The following ZNF441 variants were observed in gnomAD, a reference collection of about 807,000 sequenced individuals.
The protein encoded by ZNF441 is zinc finger protein 441.
Under a neutral mutation model 64.5 loss-of-function variants are expected in ZNF441, and 25 were observed. The ratio of observed to expected loss-of-function variants is 0.39; its 90% CI spans 0.28 to 0.54. The LOEUF (loss-of-function observed/expected upper bound fraction) is 0.54. ZNF441 is among the 20% of genes least tolerant of loss of function. The pLI is 0.70. For missense variants in ZNF441, 715 were observed against 843.3 expected, an observed-to-expected ratio of 0.85 and a Z score of 1.88; for synonymous variants, 262 against 268.0, an observed-to-expected ratio of 0.98 and a Z score of 0.22.
At chr19:11,775,460 C>A (rs1337511058) in intron 1 of ZNF441, among the ~76,000 whole-genome samples, 1 of 150,750 alleles carries the variant, frequency 6.6e-6, no homozygotes, top group Non-Finnish European at 1.5e-5. Context: ...CTCCCGAGTA[C>A]CTGGGACTAC....
intron 3 of ZNF441, 144 bp from the exon 4 acceptor site, chr19:11,779,875 C>T: frequency 2.8e-6 from 2 of 706,596 alleles, no homozygotes; most frequent in Non-Finnish European, 4.5e-6. Flanking sequence ...CACACCACTA[C>T]ACTCCAGCCT....
intron 1 of ZNF441, among the ~76,000 whole-genome samples, chr19:11,775,487 G>A (rs559688616): frequency 6.0e-5 from 9 of 151,088 alleles, no homozygotes; most frequent in South Asian, 2.1e-4. Context: ...CCACCACCAC[G>A]CCCGGCTAAT....
In ZNF441 at chr19:11,767,034, G is replaced by A; in HGVS notation, c.-160G>A. On this transcript the variant is annotated 5_prime_UTR_variant, in exon 1 of 4. Transcript: ENST00000357901. This position sits in a 1 kb window ranked among gnomAD's most constrained non-coding sequence, Gnocchi z 5.1. ...GCGCACTGACCGGAGGAGGGTGCAA[G>A]GTTCAAAGAGCCCGCCGAGTCTTCT... is the stretch of plus-strand genomic sequence containing the variant. 9.3e-7 allele frequency: 1 copy of A among 1,073,150 alleles called. No individual in the cohort carries two copies. Among genetic ancestry groups the A allele is most frequent in the African/African-American group, 1.6e-5 (1 of 62,594 alleles). 66.5% of individuals were successfully genotyped at this position (1,073,150 alleles called of 1,614,324 possible). A position where few individuals can be genotyped will look rare whatever the true frequency, so the allele number is the denominator to read the frequency against.
chr19:11,775,312 A>C (rs962570002), intron 1 of ZNF441, among the ~76,000 whole-genome samples: 2 of 152,104 alleles, frequency 1.3e-5, no homozygotes, highest in Non-Finnish European at 2.9e-5. Context: ...CAATTCCCCA[A>C]AACACTGGAG....
At chr19:11,776,590 CCTT>C (rs1975356530) in intron 1 of ZNF441, among the ~76,000 whole-genome samples, 1 of 151,982 alleles carries the variant, frequency 6.6e-6, no homozygotes, top group African/African-American at 2.4e-5. Flanking sequence ...CAATCTTGGC[CCTT>C]CTTTTCTTCT....
rs1463542464 is a variant in ZNF441, at chr19:11,767,797, C to T, written c.3+601C>T. ...AAGAACTCAGGCGACTCTTGAGCAA[C>T]TCTCAGAGATCTCATCCCCAAGCAC... On this transcript the variant is annotated intron_variant, in intron 1 of 3. Coordinates refer to ENST00000357901, the MANE Select transcript of ZNF441 (RefSeq NM_152355.3). The surrounding 1 kb of genome is among the most constrained non-coding windows in gnomAD (Gnocchi z 5.1). 6.6e-6 allele frequency among the ~76,000 whole-genome samples: 1 copy of T among 152,228 alleles called. No homozygotes were observed. Among genetic ancestry groups the T allele is most frequent in the Non-Finnish European group, 1.5e-5 (1 of 68,044 alleles).
rs754633676 is a variant in ZNF441 at position 11,777,640 on chromosome 19, A to G, written c.33A>G (p.Ile11Met). ...CAGTGGCATTTGAGGATGTGGCTAT[A>G]AACTTCACCTGTGAGGAGTGGGCTT... MDSVAFEDVA[I>M]NFTCEEWALL... The change falls in exon 2 of 4, where the codon ATA (isoleucine) becomes ATG (methionine). Residue 11 changes from isoleucine to methionine, a missense_variant. By Grantham distance (10) the Ile-to-Met change is conservative. Around this residue, in one of 2 missense-constraint regions of ZNF441, gnomAD observed 399 missense variants for 413.9 expected, o/e 0.96. Transcript: ENST00000357901. The G allele has an allele frequency of 1.2e-6, 2 of 1,613,598 alleles. No individual in the cohort carries two copies. Among genetic ancestry groups the G allele is most frequent in the Admixed American group, 1.7e-5 (1 of 59,950 alleles).
At chr19:11,779,980 T>C (rs1210766283) in intron 3 of ZNF441, 39 bp from the exon 4 acceptor site, 1 of 1,461,992 alleles carries the variant, frequency 6.8e-7, no homozygotes, top group African/African-American at 1.4e-5. Flanking sequence ...AAATCATTTA[T>C]AAACAAACCT....
At chr19:11,769,126 G>A (rs1190795006) in intron 1 of ZNF441, among the ~76,000 whole-genome samples, 1 of 152,172 alleles carries the variant, frequency 6.6e-6, no homozygotes, top group East Asian at 1.9e-4. Flanking sequence ...AGAACTGGGA[G>A]AAGATAGAGA....
chr19:11,768,329 TTG>T (rs1487243052), intron 1 of ZNF441, among the ~76,000 whole-genome samples: 15 of 152,358 alleles, frequency 9.8e-5, no homozygotes, highest in African/African-American at 3.6e-4. Context: ...GTAAAAGGTT[TTG>T]TGTTTGTGAA....
chr19:11,769,473 T>TA (rs1975296315), intron 1 of ZNF441, among the ~76,000 whole-genome samples: 1 of 152,186 alleles, frequency 6.6e-6, no homozygotes. Context: ...TCTGCTAATA[T>TA]CATACTCTCC....
At chr19:11,771,543 T>C (rs1035678223) in intron 1 of ZNF441, among the ~76,000 whole-genome samples, 2 of 152,224 alleles carry the variant, frequency 1.3e-5, no homozygotes, top group Non-Finnish European at 2.9e-5. Flanking sequence ...AATCATTAGT[T>C]GGCAGTAATT....
intron 1 of ZNF441, among the ~76,000 whole-genome samples, chr19:11,770,282 C>G (rs1353760492): frequency 1.3e-5 from 2 of 152,104 alleles, no homozygotes; most frequent in Non-Finnish European, 2.9e-5. Flanking sequence ...TGAGAACCCA[C>G]TATCACAAGA....
chr19:11,768,694 G>C (rs868680896), intron 1 of ZNF441, among the ~76,000 whole-genome samples: 2 of 152,332 alleles, frequency 1.3e-5, no homozygotes, highest in South Asian at 4.1e-4. Flanking sequence ...GAAGCAGCAT[G>C]ATGCCCTGTA....
In ZNF441 at chr19:11,782,112, C is replaced by T. The variant is rs911428058; in HGVS notation, c.*206C>T. 6.9e-6 allele frequency: 3 copies of T among 437,576 alleles called. No individual in the cohort carries two copies. The East Asian group carries it at 1.0e-4, about 15-fold the overall frequency. 27.1% of individuals were successfully genotyped at this position (437,576 alleles called of 1,614,324 possible). On this transcript the variant is annotated 3_prime_UTR_variant, in exon 4 of 4. Transcript: ENST00000357901. ...AATGAATGTGAGGAATATGAAAAAA[C>T]TTTCTTTGTCTAGCAAACTTTCAAA... is the stretch of plus-strand genomic sequence containing the variant.
At chr19:11,774,730 G>A (rs1296645175) in intron 1 of ZNF441, among the ~76,000 whole-genome samples, 1 of 152,094 alleles carries the variant, frequency 6.6e-6, no homozygotes, top group East Asian at 1.9e-4. Context: ...TTGCTTTAAA[G>A]TTTTTATTCA....
rs767705757 is a variant in ZNF441, at chr19:11,783,736, G to A, written c.*1830G>A. The stretch of plus-strand genomic sequence containing the variant: ...GAAAAACTTCACCTCATGGAGATAG[G>A]GAATAGAATAAGTTATCCGGGGCTG... On this transcript the variant is annotated 3_prime_UTR_variant, in exon 4 of 4. Coordinates refer to ENST00000357901, the MANE Select transcript of ZNF441 (RefSeq NM_152355.3). 5.9e-5 allele frequency: 9 copies of A among 152,138 alleles called. No homozygotes were observed. Among genetic ancestry groups the A allele is most frequent in the Admixed American group, 2.0e-4 (3 of 15,280 alleles). The allele number at this position is 152,138 out of a possible 1,614,324, so 9.4% of individuals were successfully genotyped here. A position where few individuals can be genotyped will look rare whatever the true frequency, so the allele number is the denominator to read the frequency against.
In ZNF441 at chr19:11,767,332, G is replaced by C; in HGVS notation, c.3+136G>C. ...AGCTCGGCCCTCGGTTCCCTCGGCCGCACGATGGGGCTGGGGCGGCAGCCG... is the reference window on the plus strand; with the variant it reads ...AGCTCGGCCCTCGGTTCCCTCGGCCCCACGATGGGGCTGGGGCGGCAGCCG... On this transcript the variant is annotated intron_variant, in intron 1 of 3. Coordinates refer to ENST00000357901, the MANE Select transcript of ZNF441 (RefSeq NM_152355.3). The surrounding 1 kb of genome is among the most constrained non-coding windows in gnomAD (Gnocchi z 5.1). The C allele has an allele frequency of 7.3e-7, 1 of 1,374,680 alleles. No individual in the cohort carries two copies. The highest frequency in any genetic ancestry group is 1.0e-6 in the Non-Finnish European group (1 of 999,876). 85.2% of individuals were successfully genotyped at this position (1,374,680 alleles called of 1,614,324 possible). A position where few individuals can be genotyped will look rare whatever the true frequency, so the allele number is the denominator to read the frequency against.
rs1250432576 is a variant in ZNF441, at chr19:11,781,973, TAA to T, written c.*68_*69del. On this transcript the variant is annotated 3_prime_UTR_variant, in exon 4 of 4. Coordinates refer to ENST00000357901, the MANE Select transcript of ZNF441 (RefSeq NM_152355.3). ...GTACTTTCAGCTTCTTACAAATACA[TAA>T]GAGACTCACACTGAAAAAAGTTGTA... The T allele has an allele frequency of 9.9e-6, 13 of 1,310,890 alleles. No individual in the cohort carries two copies. Among genetic ancestry groups the T allele is most frequent in the Admixed American group, 2.5e-5 (1 of 40,550 alleles). 81.2% of individuals were successfully genotyped at this position (1,310,890 alleles called of 1,614,324 possible).
Sources: allele counts gnomAD v4.1 joint callset (sites outside exome capture counted in the v4.1 genomes callset), GRCh38; gene constraint gnomAD v4.1.1; regional missense constraint gnomAD v4.1.1; non-coding constraint Gnocchi (gnomAD v3.1); transcripts MANE v1.5; gene names NCBI Gene and HGNC (gene_info 2026-07-23, HGNC 2026-07-21).